The following TEKT3 variants were observed in gnomAD, a reference collection of about 807,000 sequenced individuals.
TEKT3 encodes tektin-3.
In TEKT3, 49 loss-of-function variants were observed where a neutral mutation model predicts 49.8. The ratio of observed to expected loss-of-function variants is 0.98; its 90% confidence interval spans 0.78 to 1.25. The LOEUF is 1.25. Among genes scored for constraint, TEKT3 ranks in the 50% most tolerant of loss-of-function variants. TEKT3 has a pLI of 0.00. For synonymous variants in TEKT3, 225 were observed against 237.2 expected (o/e 0.95, Z 0.47); for missense variants, 595 against 629.5 (o/e 0.95, Z 0.59).
intron 2 of TEKT3, among the ~76,000 whole-genome samples, chr17:15,334,910 T>C (rs1911920748): frequency 6.6e-6 from 1 of 152,204 alleles, no homozygotes; most frequent in South Asian, 2.1e-4. Flanking sequence ...ACTTAAAAAC[T>C]GAAAACTGAT....
chr17:15,330,154 T>C (rs1441885209), intron 3 of TEKT3, among the ~76,000 whole-genome samples: 1 of 152,190 alleles, frequency 6.6e-6, no homozygotes, highest in Non-Finnish European at 1.5e-5. Context: ...ATGATGTCAC[T>C]ACATCCTAAA....
At position 15,308,702 on chromosome 17, in the gene TEKT3, C is replaced by T; in HGVS notation, c.1218G>A (p.Arg406=). Residue 406 remains arginine, a synonymous_variant, in exon 8 of 9, where the codon CGG becomes CGA. Transcript: ENST00000395930. ...TGTCTCGGCACAACTCAATGTTCGGCCGTCTTGTGCGCTCATCCAGTCTGG... is the reference window on the plus strand; with the variant it reads ...TGTCTCGGCACAACTCAATGTTCGGTCGTCTTGTGCGCTCATCCAGTCTGG... ...AQTRLDERTR[R]PNIELCRDMA... is the part of the protein sequence containing the mutation. The T allele has an allele frequency of 6.2e-7, 1 of 1,612,984 alleles. No individual in the cohort carries two copies. The highest frequency in any genetic ancestry group is 8.5e-7 in the Non-Finnish European group (1 of 1,179,618).
At chr17:15,305,787 TAAAA>T (rs762284587) in intron 8 of TEKT3, among the ~76,000 whole-genome samples, 1 of 126,580 alleles carries the variant, frequency 7.9e-6, no homozygotes, top group Non-Finnish European at 1.7e-5. Context: ...ACATCAATGC[TAAAA>T]AAAAAAAAAA....
At chr17:15,312,182 G>C (rs777207116) in intron 7 of TEKT3, 77 bp downstream of exon 7, 1 of 1,383,982 alleles carries the variant, frequency 7.2e-7, no homozygotes, top group African/African-American at 1.4e-5. Flanking sequence ...CTCTCTGGGA[G>C]TGGTGAGAGA....
intron 4 of TEKT3, among the ~76,000 whole-genome samples, chr17:15,320,391 T>G (rs1305844604): frequency 6.6e-6 from 1 of 152,192 alleles, no homozygotes; most frequent in Non-Finnish European, 1.5e-5. Context: ...ATGTCACAAT[T>G]TTTTTAATCA....
rs1911721565 is a variant in TEKT3, at chr17:15,331,285, T to C, written c.301A>G (p.Arg101Gly). The change falls in exon 3 of 9, where the codon AGG becomes GGG. Residue 101 changes from arginine to glycine, a missense_variant. By Grantham distance (125) the Arg-to-Gly change is moderately radical. Coordinates refer to ENST00000395930, the MANE Select transcript of TEKT3 (RefSeq NM_031898.3). ...TCTTGATAGTTGGTTAAATTGGACC[T>C]GTACCAGTCATCCGGTGTGTATCTT... Reference protein sequence around the residue: ...FTRYTPDDWYRSNLTNYQESN... With the variant: ...FTRYTPDDWYGSNLTNYQESN... 1.9e-6 allele frequency: 3 copies of C among 1,614,248 alleles called. No individual in the cohort carries two copies. Among genetic ancestry groups the C allele is most frequent in the South Asian group, 2.2e-5 (2 of 91,090 alleles).
chr17:15,314,364 A>G (rs1910910597), intron 5 of TEKT3, 134 bp from the exon 6 acceptor site: 1 of 1,259,626 alleles, frequency 7.9e-7, no homozygotes, highest in African/African-American at 1.5e-5. Flanking sequence ...ACAGCGTTCA[A>G]TTTCTCAGTC....
Position 15,332,676 on chromosome 17 carries a change from A to T in TEKT3, c.-29-1062T>A, listed in dbSNP as rs57843592. On this transcript the variant is annotated intron_variant, in intron 2 of 8. Coordinates refer to ENST00000395930, the MANE Select transcript of TEKT3 (RefSeq NM_031898.3). The stretch of plus-strand genomic sequence containing the variant: ...GTATAACAGAAATCCTAGGGAAGCC[A>T]TGGGGTTATGAGGGCTAAGACAATG... 5.7e-3 allele frequency among the ~76,000 whole-genome samples: 874 copies of T among 152,314 alleles called. 5 individuals are homozygous for T. The highest frequency in any genetic ancestry group is 0.02 in the African/African-American group (833 of 41,566).
chr17:15,331,458 G>C lies in TEKT3; in HGVS notation c.128C>G (p.Thr43Ser), dbSNP rs1256406944. Residue 43 changes from threonine (T) to serine (S), a missense_variant, in exon 3 of 9, where the codon ACC becomes AGC. Transcript: ENST00000395930. ...YRDRFPHSNL[T>S]HSLSLPWRPS... ...TCTCCAAGGAAGGCTCAGGCTATGG[G>C]TCAAATTGGAGTGGGGAAAGCGGTC... The C allele has an allele frequency of 6.2e-7, 1 of 1,614,118 alleles. No individual in the cohort carries two copies. The highest frequency in any genetic ancestry group is 8.5e-7 in the Non-Finnish European group (1 of 1,180,024).
chr17:15,314,533 T>C (rs1910920949), intron 5 of TEKT3, among the ~76,000 whole-genome samples: 1 of 152,146 alleles, frequency 6.6e-6, no homozygotes, highest in Middle Eastern at 3.2e-3. Context: ...GGGGCCCATC[T>C]CCCTAAAACA....
At position 15,308,735 on chromosome 17, in the gene TEKT3, C is replaced by G. The variant is rs1486268835; in HGVS notation, c.1185G>C (p.Val395=). 1.3e-5 allele frequency: 21 copies of G among 1,613,956 alleles called. No homozygotes were observed. Among genetic ancestry groups the G allele is most frequent in the Non-Finnish European group, 1.8e-5 (21 of 1,180,020 alleles). ...TGCGCTCATCCAGTCTGGTCTGAGC[C>G]ACCTTCAGGAAGGCAGTCTTGTCCT... is the stretch of plus-strand genomic sequence containing the variant. ...AIKDKTAFLK[V]AQTRLDERTR... is the part of the protein sequence containing the mutation. Residue 395 remains valine (V), a synonymous_variant, in exon 8 of 9, where the codon GTG becomes GTC. Transcript: ENST00000395930.
At chr17:15,342,492 G>A (rs1912265808), upstream of TEKT3, among the ~76,000 whole-genome samples, 1 of 152,292 alleles carries the variant, frequency 6.6e-6, no homozygotes, top group African/African-American at 2.4e-5. Flanking sequence ...ACCCAAGGAC[G>A]AGGCGGAGGG....
chr17:15,340,407 TGTG>T (rs1912173222), intron 1 of TEKT3: 1 of 149,248 alleles, frequency 6.7e-6, no homozygotes, highest in African/African-American at 2.5e-5. Context: ...ATTGGCCAGT[TGTG>T]GTGGCAGGCA....
intron 7 of TEKT3, among the ~76,000 whole-genome samples, chr17:15,309,707 C>A (rs774998021): frequency 8.5e-5 from 13 of 152,138 alleles, no homozygotes; most frequent in Non-Finnish European, 1.6e-4. Context: ...ATGTATTCAA[C>A]CATGGCTGTG....
At chr17:15,330,601 G>A (rs534262666) in intron 3 of TEKT3, among the ~76,000 whole-genome samples, 1 of 152,232 alleles carries the variant, frequency 6.6e-6, no homozygotes, top group East Asian at 1.9e-4. Context: ...AGAAGCAGAA[G>A]CCATTATGCT....
chr17:15,308,571 G>A lies in TEKT3; in HGVS notation c.1256+93C>T, dbSNP rs543561578. The A allele has an allele frequency of 5.7e-5, 86 of 1,501,600 alleles. 3 individuals are homozygous for A. The Admixed American group carries it at 1.2e-3, about 22-fold the overall frequency. The allele number at this position is 1,501,600 out of a possible 1,614,324, so 93.0% of individuals were successfully genotyped here. On this transcript the variant is annotated intron_variant, in intron 8 of 8. Coordinates refer to ENST00000395930, the MANE Select transcript of TEKT3 (RefSeq NM_031898.3). ...CTCACAGAAGGCTCCTACATGCTGC[G>A]TATGGGCAGAAAGCAGCTTTCTAAA...
At position 15,331,452 on chromosome 17, in the gene TEKT3, C is replaced by T; in HGVS notation, c.134G>A (p.Ser45Asn). 1.9e-6 allele frequency: 3 copies of T among 1,613,874 alleles called. No individual in the cohort carries two copies. In the East Asian group the frequency reaches 6.7e-5, roughly 36 times the overall value. The change falls in exon 3 of 9, where the codon AGC becomes AAC. Residue 45 changes from serine to asparagine, a missense_variant. By Grantham distance (46) the Ser-to-Asn change is conservative. Transcript: ENST00000395930. ...GCTGGGTCTCCAAGGAAGGCTCAGGCTATGGGTCAAATTGGAGTGGGGAAA... is the reference window on the plus strand; with the variant it reads ...GCTGGGTCTCCAAGGAAGGCTCAGGTTATGGGTCAAATTGGAGTGGGGAAA... ...DRFPHSNLTH[S>N]LSLPWRPSTY...
At chr17:15,310,881 G>A (rs946867899) in intron 7 of TEKT3, 5 of 151,470 alleles carry the variant, frequency 3.3e-5, no homozygotes, top group Non-Finnish European at 7.4e-5. Context: ...ACTTTTCCAT[G>A]TTCCTCTCCC....
intron 2 of TEKT3, among the ~76,000 whole-genome samples, chr17:15,335,358 C>T (rs539585919): frequency 6.6e-6 from 1 of 152,324 alleles, no homozygotes; most frequent in African/African-American, 2.4e-5. Context: ...GATGGCAGAG[C>T]TGTTAGCTGA....
Sources: allele counts gnomAD v4.1 joint callset (sites outside exome capture counted in the v4.1 genomes callset), GRCh38; gene constraint gnomAD v4.1.1; transcripts MANE v1.5; gene names NCBI Gene and HGNC (gene_info 2026-07-23, HGNC 2026-07-21).